The following IDI1 variants were observed in gnomAD, a reference collection of about 807,000 sequenced individuals.
IDI1 encodes isopentenyl-diphosphate delta isomerase 1, also known as isopentenyl-diphosphate Delta-isomerase 1.
In IDI1, 23 loss-of-function variants were observed where a neutral mutation model predicts 32.9. The observed-to-expected ratio is 0.70, with a 90% CI of 0.50 to 0.99. The LOEUF (loss-of-function observed/expected upper bound fraction) is 0.99, where lower values mean the gene tolerates loss of function less well. Among genes scored for constraint, IDI1 ranks in the 50% least tolerant of loss-of-function variants. The pLI is 0.00. For synonymous variants in IDI1, 133 were observed against 128.2 expected (o/e 1.04, Z -0.25); for missense variants, 326 against 351.9 (o/e 0.93, Z 0.59).
Position 1,040,243 on chromosome 10 carries a change from A to G in IDI1, c.*944T>C, listed in dbSNP as rs1832518802. The G allele has an allele frequency of 6.6e-6, 1 of 152,076 alleles. No individual in the cohort carries two copies. Among genetic ancestry groups the G allele is most frequent in the Admixed American group, 6.5e-5 (1 of 15,270 alleles). The allele number at this position is 152,076 out of a possible 1,614,324, so 9.4% of individuals were successfully genotyped here. On this transcript the variant is annotated 3_prime_UTR_variant, in exon 5 of 5. Transcript: ENST00000381344. ...TTGTTGTTATTTTTTTCTCCCTACA[A>G]TATTTCCTGACTCTGTAGGACAGTG...
upstream of IDI1, among the ~76,000 whole-genome samples, chr10:1,051,903 C>T (rs750732546): frequency 4.6e-5 from 7 of 152,122 alleles, no homozygotes; most frequent in Non-Finnish European, 8.8e-5. Context: ...GACAGAGTCT[C>T]GTTCTTTCGC....
upstream of IDI1, among the ~76,000 whole-genome samples, chr10:1,051,881 AC>A (rs1168288270): frequency 2.6e-5 from 4 of 152,012 alleles, no homozygotes; most frequent in Non-Finnish European, 4.4e-5. Flanking sequence ...CCACAGGAAA[AC>A]TTTTTTTTGA....
rs144091076 is a variant in IDI1 at position 1,048,894 on chromosome 10, G to A, written c.110C>T (p.Pro37Leu). 23 of 1,606,594 alleles carry A rather than the reference G, an allele frequency of 1.4e-5. No individual in the cohort carries two copies. The highest frequency in any genetic ancestry group is 1.7e-4 in the Middle Eastern group (1 of 5,786). Residue 37 changes from proline to leucine, a missense_variant, in exon 1 of 5, where the codon CCG becomes CTG. Coordinates refer to ENST00000381344, the MANE Select transcript of IDI1 (RefSeq NM_004508.4). Reference sequence around the variant, plus strand: ...CAGCCTCCGGCCACAGACAACCGCCGGTCCCGGATGGCGCCCGCTTTGAGC... The same window carrying A: ...CAGCCTCCGGCCACAGACAACCGCCAGTCCCGGATGGCGCCCGCTTTGAGC... ...DCAQSGRHPG[P>L]AVVCGRRLIS...
chr10:1,044,289 C>T (rs933445485), intron 1 of IDI1, 118 bp from the exon 2 acceptor site: 3 of 709,832 alleles, frequency 4.2e-6, no homozygotes, highest in South Asian at 2.0e-5. Flanking sequence ...TGCATCCCCA[C>T]AGGGACCCCA....
chr10:1,040,922 T>G lies in IDI1; in HGVS notation c.*265A>C, dbSNP rs533339580. ...GTATCTGCAAAGATTAAATTAAGTT[T>G]TATTTGCTCGCTCTCATTTTACAAT... On this transcript the variant is annotated 3_prime_UTR_variant, in exon 5 of 5. Coordinates refer to ENST00000381344, the MANE Select transcript of IDI1 (RefSeq NM_004508.4). 3.9e-5 allele frequency: 13 copies of G among 330,720 alleles called. No individual in the cohort carries two copies. In the South Asian group the frequency reaches 7.5e-4, roughly 19 times the overall value. The allele number at this position is 330,720 out of a possible 1,614,324, so 20.5% of individuals were successfully genotyped here.
At chr10:1,050,986 A>G (rs1832996078), upstream of IDI1, among the ~76,000 whole-genome samples, 1 of 152,220 alleles carries the variant, frequency 6.6e-6, no homozygotes, top group South Asian at 2.1e-4. Context: ...TACTACCCCA[A>G]AACACGAGTG....
the IDI1 span, among the ~76,000 whole-genome samples, chr10:1,054,990 G>A: frequency 3.3e-5 from 5 of 152,236 alleles, no homozygotes; most frequent in Non-Finnish European, 5.9e-5. Context: ...TGCATTAACA[G>A]GCTCCCATCA....
the IDI1 span, among the ~76,000 whole-genome samples, chr10:1,055,756 T>A: frequency 6.6e-6 from 1 of 151,970 alleles, no homozygotes; most frequent in African/African-American, 2.4e-5. Flanking sequence ...AATAGAATGC[T>A]AAATTTGTTT....
At chr10:1,044,267 G>C (rs1446412386) in intron 1 of IDI1, 96 bp from the exon 2 acceptor site, 1 of 896,204 alleles carries the variant, frequency 1.1e-6, no homozygotes, top group Non-Finnish European at 1.7e-6. Context: ...CCCATCTGCA[G>C]TTGTACCACT....
chr10:1,049,471 C>T (rs865861604), upstream of IDI1: 57 of 76,722 alleles, frequency 7.4e-4, no homozygotes, highest in East Asian at 2.6e-3. Context: ...ACTCCCCCCC[C>T]TCCCCCCCCC....
chr10:1,052,312 C>T (rs1248754336), upstream of IDI1, among the ~76,000 whole-genome samples: 1 of 152,234 alleles, frequency 6.6e-6, no homozygotes, highest in African/African-American at 2.4e-5. Flanking sequence ...TCTCAAGAGA[C>T]CACTTTCTTT....
rs755162550 is a variant in IDI1 at position 1,048,852 on chromosome 10, C to A, written c.140+12G>T. 2.5e-6 allele frequency: 4 copies of A among 1,604,676 alleles called. No homozygotes were observed. Among genetic ancestry groups the A allele is most frequent in the South Asian group, 2.2e-5 (2 of 90,546 alleles). ...CCCCTGTCTCCCGAACTCCGCCGCC[C>A]GTCCACAGTACCTGATCAGCCTCCG... On this transcript the variant is annotated intron_variant, in intron 1 of 4. Transcript: ENST00000381344.
chr10:1,043,948 G>C (rs775613177), intron 2 of IDI1, 51 bp downstream of exon 2: 1 of 1,504,540 alleles, frequency 6.6e-7, no homozygotes, highest in Admixed American at 1.8e-5. Flanking sequence ...TCAGCAAATC[G>C]GAAATGCCTA....
rs1589046351 is a variant in IDI1, at chr10:1,040,015, A to T, written c.*1172T>A. ...ATAAATGAGTCATTCTATTGAATTTAACAAACATTTAACTTTGCAAGAAAT... is the reference window on the plus strand; with the variant it reads ...ATAAATGAGTCATTCTATTGAATTTTACAAACATTTAACTTTGCAAGAAAT... On this transcript the variant is annotated 3_prime_UTR_variant, in exon 5 of 5. Transcript: ENST00000381344. 2 of 152,334 alleles carry T rather than the reference A, an allele frequency of 1.3e-5. No homozygotes were observed. The highest frequency in any genetic ancestry group is 4.1e-4 in the South Asian group (2 of 4,830). 9.4% of individuals were successfully genotyped at this position (152,334 alleles called of 1,614,324 possible).
Position 1,049,101 on chromosome 10 carries a change from G to A in IDI1, c.-98C>T, listed in dbSNP as rs1443934653. 5 of 1,406,174 alleles carry A rather than the reference G, an allele frequency of 3.6e-6. No individual in the cohort carries two copies. The highest frequency in any genetic ancestry group is 3.2e-5 in the Admixed American group (1 of 31,598). 87.1% of individuals were successfully genotyped at this position (1,406,174 alleles called of 1,614,324 possible). A position where few individuals can be genotyped will look rare whatever the true frequency, so the allele number is the denominator to read the frequency against. On this transcript the variant is annotated 5_prime_UTR_variant, in exon 1 of 5. Transcript: ENST00000381344. Reference sequence around the variant, plus strand: ...CCTGGCCTGTGACAACGGCAGACGCGCGAAGCACCGGGAACCTGAGCCGTG... The same window carrying A: ...CCTGGCCTGTGACAACGGCAGACGCACGAAGCACCGGGAACCTGAGCCGTG...
At chr10:1,048,422 T>C in intron 1 of IDI1, 1 of 1,297,136 alleles carries the variant, frequency 7.7e-7, no homozygotes. Context: ...TGCACCCGCG[T>C]CACACGCGTG....
chr10:1,043,312 A>G lies in IDI1; in HGVS notation c.395T>C (p.Ile132Thr). 6.3e-7 allele frequency: 1 copy of G among 1,591,768 alleles called. No homozygotes were observed. The highest frequency in any genetic ancestry group is 1.1e-5 in the South Asian group (1 of 90,616). The change falls in exon 3 of 5, where the codon ATT becomes ACT. Residue 132 changes from isoleucine (I) to threonine (T), a missense_variant. Physicochemically the swap from Ile to Thr is moderately conservative, Grantham distance 89. Transcript: ENST00000381344. ...AAAAGTGTACTAACCTGGAAAGGTA[A>G]TCTTAGCATCTGATCTTTGCTGTAG... ...LLLQQRSDAK[I>T]TFPGCFTNTC...
the IDI1 span, chr10:1,056,417 C>A: frequency 6.6e-6 from 1 of 152,182 alleles, no homozygotes; most frequent in African/African-American, 2.4e-5. Flanking sequence ...ACCGCGCCGT[C>A]CCCGCCAGGC....
rs963299404 is a variant in IDI1, at chr10:1,048,721, A to C, written c.140+143T>G. ...GGCCTCCCTCCAGTTCGGGAGACCA[A>C]CGCCGCCACCCCCAGCTGTCCAGGC... On this transcript the variant is annotated intron_variant, in intron 1 of 4. Coordinates refer to ENST00000381344, the MANE Select transcript of IDI1 (RefSeq NM_004508.4). 2.9e-5 allele frequency: 41 copies of C among 1,428,284 alleles called. No homozygotes were observed. In the African/African-American group the frequency reaches 6.1e-4, roughly 21 times the overall value. The allele number at this position is 1,428,284 out of a possible 1,614,324, so 88.5% of individuals were successfully genotyped here.
Sources: gnomAD v4.1 joint callset for allele counts (sites outside exome capture counted in the v4.1 genomes callset) on GRCh38, gnomAD v4.1.1 for gene constraint, MANE v1.5 for transcripts, NCBI Gene and HGNC (gene_info 2026-07-23, HGNC 2026-07-21) for gene names.